Variants in AGMO observed in about 807,000 individuals in gnomAD.
The protein encoded by AGMO is alkylglycerol monooxygenase, also known as glyceryl-ether monooxygenase.
A neutral mutation model predicts 60.2 loss-of-function variants in AGMO; 75 were observed. That is an observed-to-expected ratio of 1.25 (90% confidence interval 1.03 to 1.51). AGMO has a LOEUF of 1.51. Ranked by LOEUF, AGMO falls within the 40% of genes most tolerant of loss-of-function variation. AGMO has a pLI of 0.00. For missense variants in AGMO, 763 were observed against 525.5 expected, an observed-to-expected ratio of 1.45 and a Z score of -4.42; for synonymous variants, 261 against 177.1, an observed-to-expected ratio of 1.47 and a Z score of -3.76.
chr7:15,198,121 T>G (rs1781166052), downstream of AGMO, among the ~76,000 whole-genome samples: 1 of 151,918 alleles, frequency 6.6e-6, no homozygotes, highest in South Asian at 2.1e-4. Context: ...TATCTTCATA[T>G]GATTTGCAAA....
intron 12 of AGMO, among the ~76,000 whole-genome samples, chr7:15,339,762 A>T (rs1334773440): frequency 6.6e-6 from 1 of 152,154 alleles, no homozygotes; most frequent in Non-Finnish European, 1.5e-5. Flanking sequence ...TCCCCCCAAA[A>T]GTTCCTGTGT....
chr7:15,258,558 TAAAAAATAAAATAAAAAAAG>T (rs1265999836), intron 12 of AGMO, among the ~76,000 whole-genome samples: 51 of 151,120 alleles, frequency 3.4e-4, no homozygotes, highest in African/African-American at 1.1e-3. Flanking sequence ...CAAAAAAAAA[TAAAAAATAAAATAAAAAAAG>T]AAAAAGAAAA....
rs577288736 is a variant in AGMO at position 15,458,806 on chromosome 7, A to T, written c.410-27698T>A. 2.0e-5 allele frequency among the ~76,000 whole-genome samples: 3 copies of T among 152,300 alleles called. No homozygotes were observed. In the South Asian group the frequency reaches 6.2e-4, roughly 32 times the overall value. On this transcript the variant is annotated intron_variant, in intron 3 of 12. Coordinates refer to ENST00000342526, the MANE Select transcript of AGMO (RefSeq NM_001004320.2). The stretch of plus-strand genomic sequence containing the variant: ...ACACAACCACAAAATTGCAGGGCCA[A>T]GTCAGGAACCCTGGACTTCTGTTTC...
intron 12 of AGMO, among the ~76,000 whole-genome samples, chr7:15,362,985 C>G (rs1217011307): frequency 6.6e-6 from 1 of 152,098 alleles, no homozygotes; most frequent in Non-Finnish European, 1.5e-5. Flanking sequence ...TGCATTTAGA[C>G]AAGTTGTGTA....
chr7:15,329,567 G>C (rs1435215164), intron 12 of AGMO, among the ~76,000 whole-genome samples: 1 of 152,140 alleles, frequency 6.6e-6, no homozygotes, highest in Non-Finnish European at 1.5e-5. Flanking sequence ...TCTTCTATCA[G>C]AGAGGAATAA....
At chr7:15,231,454 C>T (rs1782257142) in intron 12 of AGMO, among the ~76,000 whole-genome samples, 1 of 152,188 alleles carries the variant, frequency 6.6e-6, no homozygotes, top group African/African-American at 2.4e-5. Flanking sequence ...ATATCATGAG[C>T]TTTCTTTGAA....
chr7:15,198,434 A>G (rs916978031), downstream of AGMO, among the ~76,000 whole-genome samples: 1 of 152,230 alleles, frequency 6.6e-6, no homozygotes, highest in Non-Finnish European at 1.5e-5. Context: ...TGAAGAATAA[A>G]GTGCCTTGGT....
At chr7:15,545,445 C>T (rs1046038150) in intron 2 of AGMO, among the ~76,000 whole-genome samples, 2 of 151,920 alleles carry the variant, frequency 1.3e-5, no homozygotes, top group East Asian at 3.9e-4. Flanking sequence ...AATCTATTCT[C>T]TCTTCTCTTC....
intron 12 of AGMO, among the ~76,000 whole-genome samples, chr7:15,205,353 A>C (rs571462760): frequency 6.6e-6 from 1 of 152,314 alleles, no homozygotes; most frequent in East Asian, 1.9e-4. Context: ...ATAAAATGAA[A>C]GCTTTAATGT....
chr7:15,515,359 A>G (rs866021684), intron 3 of AGMO, among the ~76,000 whole-genome samples: 7 of 152,170 alleles, frequency 4.6e-5, no homozygotes, highest in South Asian at 2.1e-4. Flanking sequence ...CCAGAATTGT[A>G]TGAGCTTTAG....
chr7:15,477,811 T>C (rs1782636842), intron 3 of AGMO, among the ~76,000 whole-genome samples: 1 of 152,176 alleles, frequency 6.6e-6, no homozygotes, highest in South Asian at 2.1e-4. Context: ...GTTTCTCATG[T>C]ATGAAAGCAA....
chr7:15,428,916 AT>A (rs1040344523), intron 4 of AGMO, among the ~76,000 whole-genome samples: 22 of 152,212 alleles, frequency 1.4e-4, no homozygotes, highest in African/African-American at 4.6e-4. Context: ...CCAGCCATAT[AT>A]CCAGCCTATA....
At chr7:15,341,331 A>G (rs1329717664) in intron 12 of AGMO, among the ~76,000 whole-genome samples, 8 of 152,256 alleles carry the variant, frequency 5.3e-5, no homozygotes, top group African/African-American at 1.7e-4. Context: ...ATTTCTCTGA[A>G]GTTCAAATTT....
At chr7:15,218,728 T>C (rs1253533138) in intron 12 of AGMO, among the ~76,000 whole-genome samples, 1 of 152,130 alleles carries the variant, frequency 6.6e-6, no homozygotes, top group African/African-American at 2.4e-5. Context: ...GTGATATTCC[T>C]GCTGGCCTGA....
chr7:15,371,625 T>G (rs1228559819), intron 10 of AGMO, among the ~76,000 whole-genome samples: 2 of 152,180 alleles, frequency 1.3e-5, no homozygotes, highest in Non-Finnish European at 2.9e-5. Flanking sequence ...CTCGAACTCC[T>G]GACCTCAGGT....
At chr7:15,382,417 T>C (rs545120221) in intron 10 of AGMO, among the ~76,000 whole-genome samples, 19 of 152,264 alleles carry the variant, frequency 1.2e-4, no homozygotes, top group Admixed American at 9.8e-4. Context: ...AATTTACTCA[T>C]GGTTAAATTC....
chr7:15,243,689 A>G (rs1373196538), intron 12 of AGMO, among the ~76,000 whole-genome samples: 1 of 152,176 alleles, frequency 6.6e-6, no homozygotes, highest in Admixed American at 6.5e-5. Context: ...TCAAATAAGG[A>G]GATTTTAGCA....
At chr7:15,447,645 G>A (rs1318057779) in intron 3 of AGMO, among the ~76,000 whole-genome samples, 4 of 152,076 alleles carry the variant, frequency 2.6e-5, no homozygotes, top group Non-Finnish European at 5.9e-5. Context: ...CCACCTCCCA[G>A]GTTCAAGTGA....
intron 12 of AGMO, among the ~76,000 whole-genome samples, chr7:15,354,310 A>G (rs1583445638): frequency 1.3e-5 from 1 of 76,100 alleles, no homozygotes; most frequent in Non-Finnish European, 2.4e-5. Flanking sequence ...ATACGTGTAT[A>G]CACGCGTGTA....
Sources: allele counts gnomAD v4.1 joint callset (sites outside exome capture counted in the v4.1 genomes callset), GRCh38; gene constraint gnomAD v4.1.1; transcripts MANE v1.5; gene names NCBI Gene and HGNC (gene_info 2026-07-23, HGNC 2026-07-21).